Variants in ITGAM observed in about 807,000 individuals in gnomAD.
The protein encoded by ITGAM is integrin subunit alpha M, also known as integrin alpha-M.
Under a neutral mutation model 137.5 loss-of-function variants are expected in ITGAM, and 79 were observed. That is an observed-to-expected ratio of 0.57 (90% CI 0.48 to 0.69). ITGAM has a LOEUF of 0.69. Ranked by LOEUF, ITGAM falls within the 30% of genes least tolerant of loss-of-function variation. The pLI, the probability that ITGAM is intolerant of heterozygous loss-of-function variation, is 0.00. For synonymous variants in ITGAM, 583 were observed against 592.3 expected (o/e 0.98, Z 0.23); for missense variants, 1,343 against 1,483.5 (o/e 0.91, Z 1.56).
intron 12 of ITGAM, among the ~76,000 whole-genome samples, chr16:31,292,449 G>T (rs1353200362): frequency 6.6e-6 from 1 of 151,964 alleles, no homozygotes; most frequent in African/African-American, 2.4e-5. Context: ...AGTGTCTGTT[G>T]TTTCCTTCTT....
chr16:31,284,431 C>T (rs1006967302), intron 12 of ITGAM, among the ~76,000 whole-genome samples: 7 of 152,146 alleles, frequency 4.6e-5, no homozygotes, highest in African/African-American at 4.8e-5. Context: ...CAATGGTGGA[C>T]GCCCCTCCCC....
rs1364377899 is a variant in ITGAM, at chr16:31,303,010, CTTTCTTTCTCTCTG to C, written c.1707+5070_1707+5083del. ...TTTCTTTCTTTCTTTTTCTTTCTCT[CTTTCTTTCTCTCTG>C]TTTCTTTCTCTCTCTTTTTATTTTT... On this transcript the variant is annotated intron_variant, in intron 14 of 29. Transcript: ENST00000544665. Among the ~76,000 whole-genome samples, 23 of 128,686 alleles carry C rather than the reference CTTTCTTTCTCTCTG, an allele frequency of 1.8e-4. 1 individual carries two copies. Among genetic ancestry groups the C allele is most frequent in the Non-Finnish European group, 6.4e-5 (4 of 62,656 alleles). The allele number at this position is 128,686 out of a possible 152,430, so 84.4% of individuals were successfully genotyped here.
At chr16:31,308,124 G>C (rs914637960) in intron 14 of ITGAM, among the ~76,000 whole-genome samples, 14 of 152,080 alleles carry the variant, frequency 9.2e-5, no homozygotes, top group Non-Finnish European at 1.0e-4. Context: ...TTTGTTGTGT[G>C]TCTGCCAGGC....
intron 12 of ITGAM, 22 bp downstream of exon 12, chr16:31,278,131 T>C (rs574863524): frequency 1.4e-5 from 22 of 1,595,098 alleles, no homozygotes; most frequent in African/African-American, 6.7e-5. Context: ...TTGTGGAGCA[T>C]GAATGTGCAA....
chr16:31,307,016 A>G (rs2080271905), intron 14 of ITGAM, among the ~76,000 whole-genome samples: 1 of 152,012 alleles, frequency 6.6e-6, no homozygotes, highest in African/African-American at 2.4e-5. Context: ...GAAAAAAAGA[A>G]AAGACCAGTA....
At chr16:31,322,790 G>A (rs2080463434) in intron 16 of ITGAM, among the ~76,000 whole-genome samples, 1 of 152,128 alleles carries the variant, frequency 6.6e-6, no homozygotes. Context: ...ATAAAATAGA[G>A]TCAAATGGAA....
chr16:31,305,046 G>A (rs1200803857), intron 14 of ITGAM, among the ~76,000 whole-genome samples: 1 of 151,926 alleles, frequency 6.6e-6, no homozygotes, highest in African/African-American at 2.4e-5. Flanking sequence ...TGTAGATTGG[G>A]CAGTATGGTC....
At chr16:31,265,024 C>T (rs560143941) in intron 2 of ITGAM, among the ~76,000 whole-genome samples, 3 of 152,146 alleles carry the variant, frequency 2.0e-5, no homozygotes, top group South Asian at 2.1e-4. Context: ...CGCACCACCA[C>T]GTGTGGCTAA....
In ITGAM at chr16:31,265,435, C is replaced by A. The variant is rs767761303; in HGVS notation, c.175C>A (p.Gln59Lys). The A allele has an allele frequency of 1.9e-6, 3 of 1,607,266 alleles. No homozygotes were observed. Among genetic ancestry groups the A allele is most frequent in the Non-Finnish European group, 1.7e-6 (2 of 1,177,374 alleles). The change falls in exon 3 of 30, where the codon CAA becomes AAA. Residue 59 changes from glutamine (Q) to lysine (K), a missense_variant. Coordinates refer to ENST00000544665, the MANE Select transcript of ITGAM (RefSeq NM_000632.4). ...CCCCCAGGAGATAGTGGCTGCCAACCAAAGGGGCAGCCTCTACCAGTGCGA... is the reference window on the plus strand; with the variant it reads ...CCCCCAGGAGATAGTGGCTGCCAACAAAAGGGGCAGCCTCTACCAGTGCGA... ...GAPQEIVAAN[Q>K]RGSLYQCDYS... is the part of the protein sequence containing the mutation.
intron 12 of ITGAM, among the ~76,000 whole-genome samples, chr16:31,279,511 T>C (rs934874375): frequency 8.5e-5 from 13 of 152,226 alleles, no homozygotes; most frequent in African/African-American, 3.1e-4. Context: ...TTTTTTCATG[T>C]GTCTGTTGGC....
intron 14 of ITGAM, among the ~76,000 whole-genome samples, chr16:31,302,438 T>TCTTTCTTC (rs1274994639): frequency 7.5e-4 from 80 of 106,954 alleles, no homozygotes; most frequent in Admixed American, 1.2e-3. Context: ...CTTCTTTCTT[T>TCTTTCTTC]CTTTCTTTCT....
In ITGAM at chr16:31,278,117, C is replaced by A. The variant is rs1225364426; in HGVS notation, c.1356+8C>A. 3 of 1,602,702 alleles carry A rather than the reference C, an allele frequency of 1.9e-6. No homozygotes were observed. Among genetic ancestry groups the A allele is most frequent in the South Asian group, 1.1e-5 (1 of 88,922 alleles). Reference sequence around the variant, plus strand: ...AATGTCAAGGGCACCCAGGTGAGTGCGGTTTGTGGAGCATGAATGTGCAAA... The same window carrying A: ...AATGTCAAGGGCACCCAGGTGAGTGAGGTTTGTGGAGCATGAATGTGCAAA... On this transcript the variant is annotated splice_region_variant and intron_variant, in intron 12 of 29. Coordinates refer to ENST00000544665, the MANE Select transcript of ITGAM (RefSeq NM_000632.4).
Position 31,324,353 on chromosome 16 carries a change from T to A in ITGAM, c.2003-46T>A. On this transcript the variant is annotated intron_variant, in intron 16 of 29. Transcript: ENST00000544665. The surrounding 1 kb of genome is among the most constrained non-coding windows in gnomAD (Gnocchi z 4.5). ...GGGCCTTGAACTCCCATCTGCCGGGTTCCGAGGCTCAGGCCCCTCACTGCT... is the reference window on the plus strand; with the variant it reads ...GGGCCTTGAACTCCCATCTGCCGGGATCCGAGGCTCAGGCCCCTCACTGCT... 1 of 1,523,056 alleles carries A rather than the reference T, an allele frequency of 6.6e-7. No individual in the cohort carries two copies. The highest frequency in any genetic ancestry group is 8.9e-7 in the Non-Finnish European group (1 of 1,122,180). The allele number at this position is 1,523,056 out of a possible 1,614,324, so 94.3% of individuals were successfully genotyped here.
At chr16:31,329,392 C>A in intron 24 of ITGAM, 89 bp downstream of exon 24, 1 of 949,168 alleles carries the variant, frequency 1.1e-6, no homozygotes, top group African/African-American at 1.6e-5. Flanking sequence ...GGGAAATGTG[C>A]GCAAGGCACC....
At chr16:31,296,288 T>G (rs2080132974) in intron 12 of ITGAM, among the ~76,000 whole-genome samples, 2 of 150,450 alleles carry the variant, frequency 1.3e-5, no homozygotes, top group Admixed American at 6.6e-5. Flanking sequence ...TTTTTTTGTA[T>G]TTTTAGTAGA....
chr16:31,299,201 T>C (rs2080169820), intron 14 of ITGAM, among the ~76,000 whole-genome samples: 1 of 152,244 alleles, frequency 6.6e-6, no homozygotes, highest in Non-Finnish European at 1.5e-5. Flanking sequence ...CCTCTTGAAC[T>C]TCATCTTGCA....
intron 2 of ITGAM, 83 bp downstream of exon 2, chr16:31,261,880 A>T: frequency 1.3e-6 from 1 of 758,606 alleles, no homozygotes. Context: ...GATTTGAGTG[A>T]TCTTTTTCAA....
intron 3 of ITGAM, 84 bp from the exon 4 acceptor site, chr16:31,265,727 G>T (rs1485801263): frequency 7.7e-6 from 9 of 1,168,074 alleles, no homozygotes; most frequent in Non-Finnish European, 7.5e-6. Flanking sequence ...CTTGTCTCCC[G>T]CATGGAGGTG....
At chr16:31,303,239 G>T (rs2080233664) in intron 14 of ITGAM, among the ~76,000 whole-genome samples, 1 of 151,748 alleles carries the variant, frequency 6.6e-6, no homozygotes, top group Non-Finnish European at 1.5e-5. Flanking sequence ...CACTATGTTG[G>T]CCAGGCTGGT....
Sources: allele counts gnomAD v4.1 joint callset (sites outside exome capture counted in the v4.1 genomes callset), GRCh38; gene constraint gnomAD v4.1.1; non-coding constraint Gnocchi (gnomAD v3.1); transcripts MANE v1.5; gene names NCBI Gene and HGNC (gene_info 2026-07-23, HGNC 2026-07-21).